Variants in RASGRF2 observed in about 807,000 individuals in gnomAD.
RASGRF2 encodes the protein Ras protein specific guanine nucleotide releasing factor 2.
Under a neutral mutation model 151.0 loss-of-function variants are expected in RASGRF2, and 76 were observed. That is an observed-to-expected ratio of 0.50 (90% CI 0.42 to 0.61). The LOEUF (loss-of-function observed/expected upper bound fraction) is 0.61. RASGRF2 is among the 20% of genes least tolerant of loss of function. The probability of loss-of-function intolerance (pLI) is 0.00; values close to 1 mark genes in which losing one functional copy is unlikely to be tolerated. For missense variants in RASGRF2, 1,148 were observed against 1,564.6 expected (o/e 0.73, Z 4.49); for synonymous variants, 504 against 566.5 (o/e 0.89, Z 1.57).
intron 2 of RASGRF2, among the ~76,000 whole-genome samples, chr5:81,048,823 C>A (rs1300570222): frequency 6.6e-6 from 1 of 152,086 alleles, no homozygotes; most frequent in Non-Finnish European, 1.5e-5. Context: ...CGCTCCTTAC[C>A]TTTTTTTCCT....
intron 1 of RASGRF2, among the ~76,000 whole-genome samples, chr5:80,971,139 G>A (rs1747917889): frequency 6.6e-6 from 1 of 152,198 alleles, no homozygotes; most frequent in Admixed American, 6.5e-5. Context: ...GCAACTTGAT[G>A]AGTTTTCACA....
At chr5:81,011,050 A>G (rs929955862) in intron 1 of RASGRF2, among the ~76,000 whole-genome samples, 1 of 106,166 alleles carries the variant, frequency 9.4e-6, no homozygotes, top group African/African-American at 3.6e-5. Context: ...TGACATATTT[A>G]AGATGTATGT....
At chr5:81,158,611 T>A (rs562357394) in intron 17 of RASGRF2, among the ~76,000 whole-genome samples, 51 of 151,632 alleles carry the variant, frequency 3.4e-4, no homozygotes, top group Non-Finnish European at 6.6e-4. Flanking sequence ...ACCTCAATAA[T>A]AAGATAACCT....
chr5:81,079,340 G>C (rs16878414), intron 5 of RASGRF2, among the ~76,000 whole-genome samples: 2 of 152,148 alleles, frequency 1.3e-5, no homozygotes, highest in South Asian at 4.2e-4. Context: ...GTTTTATTTC[G>C]TGGACCATTT....
In RASGRF2 at chr5:81,028,065, C is replaced by G. The variant is rs143666273; in HGVS notation, c.289-14812C>G. ...GGGAGTTGGAATTTGATCTGCCAGT[C>G]AAAGAGCTGGTTCTGGTCTGGGATT... On this transcript the variant is annotated intron_variant, in intron 1 of 26. Coordinates refer to ENST00000265080, the MANE Select transcript of RASGRF2 (RefSeq NM_006909.3). Among the ~76,000 whole-genome samples, 844 of 152,114 alleles carry G rather than the reference C, an allele frequency of 5.5e-3. 5 individuals are homozygous for G. The highest frequency in any genetic ancestry group is 9.1e-3 in the Non-Finnish European group (622 of 67,996).
intron 2 of RASGRF2, among the ~76,000 whole-genome samples, chr5:81,044,118 G>T (rs994177951): frequency 6.6e-6 from 1 of 152,054 alleles, no homozygotes; most frequent in African/African-American, 2.4e-5. Context: ...CAGTTTGATT[G>T]TAAGAATGAG....
At chr5:81,128,742 T>C (rs545540098) in intron 17 of RASGRF2, among the ~76,000 whole-genome samples, 6 of 152,350 alleles carry the variant, frequency 3.9e-5, no homozygotes, top group Non-Finnish European at 5.9e-5. Context: ...AAAGAAAAAG[T>C]ACTTAAAATA....
chr5:81,154,783 T>G (rs1399378428), intron 17 of RASGRF2, among the ~76,000 whole-genome samples: 2 of 152,244 alleles, frequency 1.3e-5, no homozygotes, highest in Admixed American at 1.3e-4. Context: ...TCATTTCCTT[T>G]GTGTATATAT....
In RASGRF2 at chr5:81,119,406, A is replaced by G. The variant is rs568705353; in HGVS notation, c.2471-4236A>G. On this transcript the variant is annotated intron_variant, in intron 15 of 26. Coordinates refer to ENST00000265080, the MANE Select transcript of RASGRF2 (RefSeq NM_006909.3). Reference sequence around the variant, plus strand: ...AGGCCAAACTCATTCTATTCCCAAGATAAAGGCATTCATTCATTCATGAGT... The same window carrying G: ...AGGCCAAACTCATTCTATTCCCAAGGTAAAGGCATTCATTCATTCATGAGT... Among the ~76,000 whole-genome samples the G allele has an allele frequency of 3.9e-5, 6 of 152,364 alleles. No homozygotes were observed. In the East Asian group the frequency reaches 7.7e-4, roughly 20 times the overall value.
Position 81,094,923 on chromosome 5 carries a change from C to G in RASGRF2, c.1686C>G (p.Ala562=), listed in dbSNP as rs375599537. The G allele has an allele frequency of 7.5e-6, 12 of 1,603,138 alleles. No homozygotes were observed. Among genetic ancestry groups the G allele is most frequent in the African/African-American group, 4.0e-5 (3 of 74,434 alleles). Residue 562 remains alanine, a synonymous_variant, in exon 12 of 27, where the codon GCC becomes GCG. Coordinates refer to ENST00000265080, the MANE Select transcript of RASGRF2 (RefSeq NM_006909.3). ...FKIVVEPPDA[A]AFTVVLLAPS... ...TAGTGGTGGAGCCTCCTGACGCTGC[C>G]GCCTTCACTGTTGTCTTGTTAGCAC...
At chr5:81,107,762 A>G (rs1752885142) in intron 12 of RASGRF2, among the ~76,000 whole-genome samples, 1 of 152,250 alleles carries the variant, frequency 6.6e-6, no homozygotes, top group Non-Finnish European at 1.5e-5. Flanking sequence ...AAATGGCCAA[A>G]TTTATAGGTA....
At chr5:81,170,357 T>A (rs967367184) in intron 17 of RASGRF2, among the ~76,000 whole-genome samples, 9 of 152,248 alleles carry the variant, frequency 5.9e-5, no homozygotes, top group Non-Finnish European at 1.3e-4. Context: ...ACAATATGAT[T>A]CCCTTGGGCA....
At chr5:81,186,511 C>T (rs1345460752) in intron 18 of RASGRF2, among the ~76,000 whole-genome samples, 2 of 152,034 alleles carry the variant, frequency 1.3e-5, no homozygotes, top group African/African-American at 4.8e-5. Flanking sequence ...ATATATGCAC[C>T]CTTTTCCCAT....
intron 17 of RASGRF2, among the ~76,000 whole-genome samples, chr5:81,130,951 G>A (rs187689646): frequency 6.6e-6 from 1 of 152,092 alleles, no homozygotes; most frequent in Non-Finnish European, 1.5e-5. Context: ...TGTTTCAGGT[G>A]CCTCTGCAGA....
chr5:81,112,461 C>T, intron 13 of RASGRF2, 149 bp from the exon 14 acceptor site: 2 of 1,040,208 alleles, frequency 1.9e-6, no homozygotes, highest in East Asian at 2.4e-5. Flanking sequence ...CCCAAGAATA[C>T]TGAGGGACAA....
At chr5:81,172,120 A>T (rs2112660448) in intron 17 of RASGRF2, among the ~76,000 whole-genome samples, 1 of 152,190 alleles carries the variant, frequency 6.6e-6, no homozygotes, top group Non-Finnish European at 1.5e-5. Flanking sequence ...TGGATGTTGG[A>T]CTTCTCTGAG....
intron 18 of RASGRF2, among the ~76,000 whole-genome samples, chr5:81,186,582 A>G (rs1032118127): frequency 6.6e-6 from 1 of 152,162 alleles, no homozygotes; most frequent in Non-Finnish European, 1.5e-5. Flanking sequence ...GCGCACACAC[A>G]CAAAACAGAG....
rs577539722 is a variant in RASGRF2 at position 81,090,374 on chromosome 5, T to C, written c.1391-2427T>C. 4.6e-5 allele frequency among the ~76,000 whole-genome samples: 7 copies of C among 152,362 alleles called. No individual in the cohort carries two copies. The South Asian group carries it at 1.4e-3, about 32-fold the overall frequency. On this transcript the variant is annotated intron_variant, in intron 9 of 26. Transcript: ENST00000265080. ...CCGATGACCAGGATGCAAAGAATCATGCTATAGCAATGATCTGATGAATTA... is the reference window on the plus strand; with the variant it reads ...CCGATGACCAGGATGCAAAGAATCACGCTATAGCAATGATCTGATGAATTA...
intron 1 of RASGRF2, among the ~76,000 whole-genome samples, chr5:81,016,087 A>C (rs1749627203): frequency 6.6e-6 from 1 of 152,340 alleles, no homozygotes; most frequent in Non-Finnish European, 1.5e-5. Flanking sequence ...AGAGTTGGCT[A>C]TCTCTCTGTA....
Sources: allele counts gnomAD v4.1 joint callset (sites outside exome capture counted in the v4.1 genomes callset), GRCh38; gene constraint gnomAD v4.1.1; transcripts MANE v1.5; gene names NCBI Gene and HGNC (gene_info 2026-07-23, HGNC 2026-07-21).